Variants in PNKD observed in about 807,000 individuals in gnomAD.
The protein encoded by PNKD is probable thioesterase PNKD.
PNKD carries 36 observed loss-of-function variants against 45.3 expected under a neutral mutation model. The ratio of observed to expected loss-of-function variants is 0.80; its 90% confidence interval spans 0.61 to 1.05. The LOEUF (loss-of-function observed/expected upper bound fraction) is 1.05. Ranked by LOEUF, PNKD falls within the 50% of genes least tolerant of loss-of-function variation. The probability of loss-of-function intolerance (pLI) is 0.00; values close to 1 mark genes in which losing one functional copy is unlikely to be tolerated. For missense variants in PNKD, 511 were observed against 506.6 expected, an observed-to-expected ratio of 1.01 and a Z score of -0.08; for synonymous variants, 197 against 210.1, an observed-to-expected ratio of 0.94 and a Z score of 0.54.
chr2:218,313,075 A>AT (rs1161372458), intron 2 of PNKD, among the ~76,000 whole-genome samples: 2 of 151,506 alleles, frequency 1.3e-5, no homozygotes, highest in African/African-American at 4.8e-5. Flanking sequence ...ATGTTCACAT[A>AT]TTATTTAACT....
intron 2 of PNKD, among the ~76,000 whole-genome samples, chr2:218,289,422 A>T (rs1692777602): frequency 6.6e-6 from 1 of 152,100 alleles, no homozygotes; most frequent in Non-Finnish European, 1.5e-5. Context: ...CAGGCGGATC[A>T]CTTGAGGTCA....
intron 2 of PNKD, among the ~76,000 whole-genome samples, chr2:218,302,256 G>C (rs113835073): frequency 6.6e-6 from 1 of 152,294 alleles, no homozygotes; most frequent in African/African-American, 2.4e-5. Context: ...GCTGAGGCAG[G>C]AGAATCACTT....
chr2:218,323,097 C>A, intron 2 of PNKD: 2 of 1,144,060 alleles, frequency 1.7e-6, no homozygotes, highest in East Asian at 3.5e-5. Context: ...GGGGTGCTTG[C>A]CCGGCTGGAG....
rs1694822655 is a variant in PNKD at position 218,346,160 on chromosome 2, C to CT, written c.*1180dup. The CT allele has an allele frequency of 6.6e-6, 1 of 152,652 alleles. No homozygotes were observed. Among genetic ancestry groups the CT allele is most frequent in the Non-Finnish European group, 1.5e-5 (1 of 68,154 alleles). 9.5% of individuals were successfully genotyped at this position (152,652 alleles called of 1,614,324 possible). ...TGCTTCACCTCCAGCTCTGCTGCTCCTCTACTCTTGGGTCGAGATCCCTTT... is the reference window on the plus strand; with the variant it reads ...TGCTTCACCTCCAGCTCTGCTGCTCCTTCTACTCTTGGGTCGAGATCCCTTT... On this transcript the variant is annotated 3_prime_UTR_variant, in exon 10 of 10. Transcript: ENST00000273077.
In PNKD at chr2:218,333,124, T is replaced by TG. The variant is rs1275004170; in HGVS notation, c.237-6657dup. Among the ~76,000 whole-genome samples, 4 of 152,210 alleles carry TG rather than the reference T, an allele frequency of 2.6e-5. No individual in the cohort carries two copies. The East Asian group carries it at 7.7e-4, about 29-fold the overall frequency. On this transcript the variant is annotated intron_variant, in intron 2 of 9. Transcript: ENST00000273077. ...CTTTTCCACCCCCAGCCATAGTTAC[T>TG]GGCAGTTTGCTGACTAATCCGGTTT...
intron 2 of PNKD, among the ~76,000 whole-genome samples, chr2:218,296,001 C>A (rs113519380): frequency 0.021 from 3,221 of 152,084 alleles, 105 homozygotes; most frequent in African/African-American, 0.073. Flanking sequence ...ATGAGCACCA[C>A]CACGCCCGGC....
At chr2:218,316,171 G>A (rs990813805) in intron 2 of PNKD, among the ~76,000 whole-genome samples, 1 of 152,132 alleles carries the variant, frequency 6.6e-6, no homozygotes, top group Non-Finnish European at 1.5e-5. Flanking sequence ...CCACACCTTT[G>A]GAGACAGCCT....
intron 2 of PNKD, among the ~76,000 whole-genome samples, chr2:218,321,459 C>G (rs1054561949): frequency 5.9e-5 from 9 of 152,074 alleles, no homozygotes; most frequent in African/African-American, 2.2e-4. Flanking sequence ...TAGGCTCTGT[C>G]CCTCAAGATG....
At chr2:218,343,748 C>G (rs1694749572) in intron 8 of PNKD, among the ~76,000 whole-genome samples, 162 bp downstream of exon 8, 2 of 152,208 alleles carry the variant, frequency 1.3e-5, no homozygotes, top group Admixed American at 6.5e-5. Context: ...TCTGGCCTCC[C>G]TTCTTCCTGG....
intron 2 of PNKD, among the ~76,000 whole-genome samples, chr2:218,282,459 G>A (rs1692116505): frequency 6.6e-6 from 1 of 152,244 alleles, no homozygotes; most frequent in Non-Finnish European, 1.5e-5. Context: ...TGAGGAGAGA[G>A]GGAACCAGGG....
chr2:218,279,102 CAGG>C (rs760532250), intron 2 of PNKD: 5 of 1,613,954 alleles, frequency 3.1e-6, no homozygotes, highest in African/African-American at 1.3e-5. Context: ...CTGTGGGGCA[CAGG>C]AGGACAGGAG....
intron 2 of PNKD, among the ~76,000 whole-genome samples, chr2:218,308,718 C>G (rs1175593172): frequency 1.3e-5 from 2 of 151,914 alleles, no homozygotes; most frequent in African/African-American, 4.8e-5. Flanking sequence ...ACCTGAGTAG[C>G]TGGGATTACA....
chr2:218,279,365 C>T (rs773236161), intron 2 of PNKD: 6 of 1,557,444 alleles, frequency 3.9e-6, no homozygotes, highest in South Asian at 2.5e-5. Context: ...TGGACACAGA[C>T]GGCCGGGCAT....
At chr2:218,294,728 T>C (rs1009454411) in intron 2 of PNKD, among the ~76,000 whole-genome samples, 2 of 152,184 alleles carry the variant, frequency 1.3e-5, no homozygotes, top group African/African-American at 4.8e-5. Context: ...TTTGCCCTCC[T>C]CCACCTCCCA....
Position 218,275,999 on chromosome 2 carries a change from C to T in PNKD, c.236+4450C>T, listed in dbSNP as rs750337213. ...TTCCTCCCCTCATCCCCTCAGCTCC[C>T]CTTCCTAGAGTGGGGCTGGGACTTA... On this transcript the variant is annotated intron_variant, in intron 2 of 9. Transcript: ENST00000273077. 3.1e-6 allele frequency: 5 copies of T among 1,604,944 alleles called. 1 individual carries two copies. The Admixed American group carries it at 6.8e-5, about 22-fold the overall frequency.
chr2:218,272,160 T>C (rs889395125), intron 2 of PNKD, among the ~76,000 whole-genome samples: 2 of 131,284 alleles, frequency 1.5e-5, no homozygotes, highest in Non-Finnish European at 3.5e-5. Flanking sequence ...AGTGGTTACT[T>C]AGCTTAAGAG....
chr2:218,297,857 A>G (rs558158190), intron 2 of PNKD, among the ~76,000 whole-genome samples: 1 of 148,706 alleles, frequency 6.7e-6, no homozygotes, highest in Admixed American at 6.7e-5. Context: ...AATTAGCTGG[A>G]CGTGATGGCA....
At chr2:218,330,313 T>C (rs1243715120) in intron 2 of PNKD, among the ~76,000 whole-genome samples, 4 of 152,044 alleles carry the variant, frequency 2.6e-5, no homozygotes, top group South Asian at 2.1e-4. Context: ...GATGGTGAAA[T>C]GGCCCCACGG....
intron 2 of PNKD, among the ~76,000 whole-genome samples, chr2:218,290,574 G>A (rs1017055332): frequency 6.6e-6 from 1 of 152,160 alleles, no homozygotes; most frequent in African/African-American, 2.4e-5. Flanking sequence ...CCCACCGTGG[G>A]ATTTACTGCC....
Sources: allele counts gnomAD v4.1 joint callset (sites outside exome capture counted in the v4.1 genomes callset), GRCh38; gene constraint gnomAD v4.1.1; transcripts MANE v1.5; gene names NCBI Gene and HGNC (gene_info 2026-07-23, HGNC 2026-07-21).